The following SLC6A8 variants were observed in gnomAD, a reference collection of about 807,000 sequenced individuals.
SLC6A8 encodes the protein solute carrier family 6 member 8.
SLC6A8 carries 6 observed loss-of-function variants against 48.3 expected under a neutral mutation model. The ratio of observed to expected loss-of-function variants is 0.12; its 90% CI spans 0.07 to 0.25. The LOEUF (loss-of-function observed/expected upper bound fraction) is 0.25, where lower values mean the gene tolerates loss of function less well. SLC6A8 is among the 10% of genes least tolerant of loss of function. SLC6A8 has a pLI of 1.00. For missense variants in SLC6A8, 260 were observed against 551.5 expected, an observed-to-expected ratio of 0.47 and a Z score of 5.29; for synonymous variants, 245 against 244.0, an observed-to-expected ratio of 1.00 and a Z score of -0.04.
Position 153,696,242 on chromosome X carries a change from G to A in SLC6A8, c.*1028G>A. On this transcript the variant is annotated 3_prime_UTR_variant, in exon 13 of 13. Coordinates refer to ENST00000253122, the MANE Select transcript of SLC6A8 (RefSeq NM_005629.4). ...TTTGCCACAAGTCTGTGGGGCAAGAGGCTGCAATATTCCGTCCTGGGTGTC... is the reference window on the plus strand; with the variant it reads ...TTTGCCACAAGTCTGTGGGGCAAGAAGCTGCAATATTCCGTCCTGGGTGTC... 1 of 284,108 alleles carries A rather than the reference G, an allele frequency of 3.5e-6. No homozygotes were observed. Among genetic ancestry groups the A allele is most frequent in the Non-Finnish European group, 6.9e-6 (1 of 144,589 alleles). The allele number at this position is 284,108 out of a possible 1,213,427, so 23.4% of individuals were successfully genotyped here.
In SLC6A8 at chrX:153,688,392, GCGCCGCCCGCGCCCCGCACCC is replaced by G. The variant is rs1417032740; in HGVS notation, c.-172_-152del. On this transcript the variant is annotated 5_prime_UTR_variant, in exon 1 of 13. Coordinates refer to ENST00000253122, the MANE Select transcript of SLC6A8 (RefSeq NM_005629.4). ...AGTGCTTCGTGGACTGCTTCTGACT[GCGCCGCCCGCGCCCCGCACCC>G]CGCCGCCCGCCCGCCGCCCCGTCCC... 2 of 98,221 alleles carry G rather than the reference GCGCCGCCCGCGCCCCGCACCC, an allele frequency of 2.0e-5. No individual in the cohort carries two copies. The highest frequency in any genetic ancestry group is 3.7e-5 in the African/African-American group (1 of 27,326). The allele number at this position is 98,221 out of a possible 1,213,427, so 8.1% of individuals were successfully genotyped here.
intron 7 of SLC6A8, 144 bp from the exon 8 acceptor site, chrX:153,693,761 C>T: frequency 2.6e-6 from 2 of 781,453 alleles, no homozygotes; most frequent in Non-Finnish European, 3.8e-6. Flanking sequence ...GAGAAAGGAC[C>T]TCCCAGCCCC....
intron 3 of SLC6A8, among the ~76,000 whole-genome samples, chrX:153,691,756 T>TC (rs2091457369): frequency 8.9e-6 from 1 of 112,174 alleles, no homozygotes; most frequent in Non-Finnish European, 1.9e-5. Flanking sequence ...TCCTGGTCAC[T>TC]CCCCCCTGAT....
At chrX:153,690,539 C>T (rs1247469914) in intron 2 of SLC6A8, 33 bp downstream of exon 2, 1 of 1,160,667 alleles carries the variant, frequency 8.6e-7, no homozygotes, top group African/African-American at 1.8e-5. Context: ...CAGGGACTGC[C>T]CCCTTCTCCC....
intron 4 of SLC6A8, 86 bp downstream of exon 4, chrX:153,692,193 T>C (rs1557044606): frequency 3.1e-6 from 3 of 973,098 alleles, no homozygotes; most frequent in Non-Finnish European, 4.3e-6. Context: ...CAACGGGAGG[T>C]GACCAGACAG....
At chrX:153,692,433 CAG>C (rs781802556) in intron 4 of SLC6A8, 26 of 361,531 alleles carry the variant, frequency 7.2e-5, no homozygotes, top group South Asian at 6.5e-4. Flanking sequence ...GGACCCAGAG[CAG>C]AGTCTGGCCA....
chrX:153,690,790 T>C (rs1557044255), intron 2 of SLC6A8: 1 of 339,763 alleles, frequency 2.9e-6, no homozygotes, highest in African/African-American at 2.7e-5. Context: ...GGTCCTACTG[T>C]TACTATCCCC....
rs2091434649 is a variant in SLC6A8, at chrX:153,688,474, C to G, written c.-101C>G. ...CGCCCCCCGGCCCCCGGCCGGCCCG[C>G]GCCCTCGGGGCCCTCCCCGGTGCCG... is the stretch of plus-strand genomic sequence containing the variant. On this transcript the variant is annotated 5_prime_UTR_variant, in exon 1 of 13. Coordinates refer to ENST00000253122, the MANE Select transcript of SLC6A8 (RefSeq NM_005629.4). 1 of 179,619 alleles carries G rather than the reference C, an allele frequency of 5.6e-6. No homozygotes were observed. 14.8% of individuals were successfully genotyped at this position (179,619 alleles called of 1,213,427 possible).
chrX:153,695,721 C>G lies in SLC6A8; in HGVS notation c.*507C>G. The stretch of plus-strand genomic sequence containing the variant: ...TTCAGCTGGGCTATACCCCTCTCCC[C>G]ATCCCTGTTATAGAAGCTTAGAGAG... On this transcript the variant is annotated 3_prime_UTR_variant, in exon 13 of 13. Coordinates refer to ENST00000253122, the MANE Select transcript of SLC6A8 (RefSeq NM_005629.4). 6.4e-6 allele frequency: 1 copy of G among 156,971 alleles called. No individual in the cohort carries two copies. Among genetic ancestry groups the G allele is most frequent in the South Asian group, 1.5e-4 (1 of 6,717 alleles). 12.9% of individuals were successfully genotyped at this position (156,971 alleles called of 1,213,427 possible). A position where few individuals can be genotyped will look rare whatever the true frequency, so the allele number is the denominator to read the frequency against.
At chrX:153,694,997 CG>C in intron 12 of SLC6A8, 76 bp from the exon 13 acceptor site, 2 of 1,147,929 alleles carry the variant, frequency 1.7e-6, no homozygotes, top group Non-Finnish European at 2.3e-6. Context: ...CAGTGGGAAC[CG>C]GAGAGAGGCA....
At chrX:153,691,207 A>AT (rs2091454257) in intron 2 of SLC6A8, 97 bp from the exon 3 acceptor site, 1 of 984,833 alleles carries the variant, frequency 1.0e-6, no homozygotes, top group South Asian at 2.1e-5. Flanking sequence ...AGGAGGACAG[A>AT]TGGTGGGAGC....
Position 153,695,101 on chromosome X carries a change from T to G in SLC6A8, c.1795T>G (p.Trp599Gly). Reference sequence around the variant, plus strand: ...CTGGCAGCACCTGACCCAGCCCATCTGGGGCCTCCACCACTTGGAGTACCG... The same window carrying G: ...CTGGCAGCACCTGACCCAGCCCATCGGGGGCCTCCACCACTTGGAGTACCG... Reference protein sequence around the residue: ...ERWQHLTQPIWGLHHLEYRAQ... With the variant: ...ERWQHLTQPIGGLHHLEYRAQ... The change falls in exon 13 of 13, where the codon TGG (tryptophan) becomes GGG (glycine). Residue 599 changes from tryptophan (W) to glycine (G), a missense_variant. This residue lies in a region of SLC6A8 where 87 missense variants were observed against 120.9 expected (regional missense o/e 0.72). Transcript: ENST00000253122. 8.3e-7 allele frequency: 1 copy of G among 1,203,923 alleles called. No individual in the cohort carries two copies. The highest frequency in any genetic ancestry group is 1.1e-6 in the Non-Finnish European group (1 of 891,434).
chrX:153,693,246 C>T lies in SLC6A8; in HGVS notation c.913-17C>T. 1 of 1,209,090 alleles carries T rather than the reference C, an allele frequency of 8.3e-7. No individual in the cohort carries two copies. The highest frequency in any genetic ancestry group is 1.1e-6 in the Non-Finnish European group (1 of 892,991). On this transcript the variant is annotated splice_polypyrimidine_tract_variant and intron_variant, in intron 5 of 12. Transcript: ENST00000253122. ...CCTGCAGGCCCCTCATGCCTGCGCTCTCCGGCCCTTCTCTAGGTGTGGATA... is the reference window on the plus strand; with the variant it reads ...CCTGCAGGCCCCTCATGCCTGCGCTTTCCGGCCCTTCTCTAGGTGTGGATA...
rs1303414472 is a variant in SLC6A8 at position 153,688,119 on chromosome X, G to T, written c.-456G>T. On this transcript the variant is annotated 5_prime_UTR_variant, in exon 1 of 13. Coordinates refer to ENST00000253122, the MANE Select transcript of SLC6A8 (RefSeq NM_005629.4). ...GGGCAGCCTCCGCGGGCCCCGGCCGGGGCGGGGGGCGCGGGCCACAGGCCC... is the reference window on the plus strand; with the variant it reads ...GGGCAGCCTCCGCGGGCCCCGGCCGTGGCGGGGGGCGCGGGCCACAGGCCC... 1 of 97,857 alleles carries T rather than the reference G, an allele frequency of 1.0e-5. No individual in the cohort carries two copies. The highest frequency in any genetic ancestry group is 2.1e-5 in the Non-Finnish European group (1 of 47,750). 8.1% of individuals were successfully genotyped at this position (97,857 alleles called of 1,213,427 possible).
Position 153,696,385 on chromosome X carries a change from C to T in SLC6A8, c.*1171C>T. ...AAGGTGGATGCACTTCCCGCACCTC[C>T]AGTCTTCTGTGTAGCAGCTTTAACC... is the stretch of plus-strand genomic sequence containing the variant. On this transcript the variant is annotated 3_prime_UTR_variant, in exon 13 of 13. Transcript: ENST00000253122. The T allele has an allele frequency of 3.0e-6, 1 of 331,613 alleles. No homozygotes were observed. Among genetic ancestry groups the T allele is most frequent in the South Asian group, 2.6e-5 (1 of 38,575 alleles). 27.3% of individuals were successfully genotyped at this position (331,613 alleles called of 1,213,427 possible). A position where few individuals can be genotyped will look rare whatever the true frequency, so the allele number is the denominator to read the frequency against.
At chrX:153,689,080 CA>C (rs1251576096) in intron 1 of SLC6A8, 5 of 121,171 alleles carry the variant, frequency 4.1e-5, no homozygotes, top group African/African-American at 1.6e-4. Context: ...GGCTGCCCCC[CA>C]GACTCCCGGG....
intron 1 of SLC6A8, among the ~76,000 whole-genome samples, chrX:153,690,156 G>C: frequency 8.8e-6 from 1 of 113,040 alleles, no homozygotes; most frequent in African/African-American, 3.2e-5. Flanking sequence ...GCCACCCAGG[G>C]AATAGGGCTC....
rs1557045822 is a variant in SLC6A8, at chrX:153,695,091, C to G, written c.1785C>G (p.Thr595=). Residue 595 remains threonine (T), a synonymous_variant, in exon 13 of 13, where the codon ACC becomes ACG. Coordinates refer to ENST00000253122, the MANE Select transcript of SLC6A8 (RefSeq NM_005629.4). Reference sequence around the variant, plus strand: ...TCCTGCAGCGCTGGCAGCACCTGACCCAGCCCATCTGGGGCCTCCACCACT... The same window carrying G: ...TCCTGCAGCGCTGGCAGCACCTGACGCAGCCCATCTGGGGCCTCCACCACT... ...GTMAERWQHL[T]QPIWGLHHLE... 6.6e-6 allele frequency: 8 copies of G among 1,203,892 alleles called. No individual in the cohort carries two copies. Among genetic ancestry groups the G allele is most frequent in the South Asian group, 1.8e-5 (1 of 55,600 alleles).
intron 12 of SLC6A8, 41 bp from the exon 13 acceptor site, chrX:153,695,033 A>T (rs782812613): frequency 9.3e-6 from 11 of 1,180,576 alleles, no homozygotes; most frequent in Non-Finnish European, 1.1e-5. Flanking sequence ...GGGGACGAGC[A>T]GGTGACCCTG....
Sources: gnomAD v4.1 joint callset for allele counts (sites outside exome capture counted in the v4.1 genomes callset) on GRCh38, gnomAD v4.1.1 for gene constraint, gnomAD v4.1.1 regional missense constraint, MANE v1.5 for transcripts, NCBI Gene and HGNC (gene_info 2026-07-23, HGNC 2026-07-21) for gene names.